NECAB1: variants seen among roughly 807,000 people sequenced by gnomAD.
The protein encoded by NECAB1 is N-terminal EF-hand calcium binding protein 1.
In NECAB1, 29 loss-of-function variants were observed where a neutral mutation model predicts 57.5. The observed-to-expected ratio is 0.50, with a 90% CI of 0.38 to 0.69. The LOEUF (loss-of-function observed/expected upper bound fraction) is 0.69. Among genes scored for constraint, NECAB1 ranks in the 30% least tolerant of loss-of-function variants. The pLI is 0.00. For synonymous variants in NECAB1, 142 were observed against 147.7 expected (o/e 0.96, Z 0.28); for missense variants, 372 against 413.8 (o/e 0.90, Z 0.88).
chr8:90,803,792 T>G (rs1384175731), intron 2 of NECAB1, among the ~76,000 whole-genome samples: 2 of 152,170 alleles, frequency 1.3e-5, no homozygotes, highest in African/African-American at 4.8e-5. Flanking sequence ...TCTGCCACAC[T>G]GTTATGTTAC....
intron 3 of NECAB1, among the ~76,000 whole-genome samples, chr8:90,848,260 C>T (rs1586055539): frequency 6.6e-6 from 1 of 152,188 alleles, no homozygotes; most frequent in African/African-American, 2.4e-5. Context: ...AGTTCCTCAT[C>T]TCCCTCTAAG....
intron 11 of NECAB1, 66 bp downstream of exon 11, chr8:90,949,950 T>G (rs904430291): frequency 1.0e-6 from 1 of 953,404 alleles, no homozygotes. Flanking sequence ...GATGTAATTT[T>G]AGGATTTGTA....
At chr8:90,836,585 T>C (rs1812373423) in intron 3 of NECAB1, among the ~76,000 whole-genome samples, 2 of 152,206 alleles carry the variant, frequency 1.3e-5, no homozygotes, top group African/African-American at 2.4e-5. Context: ...ACCATCCTCA[T>C]TGCTGTCAGA....
intron 3 of NECAB1, among the ~76,000 whole-genome samples, chr8:90,840,172 G>A (rs906099164): frequency 2.0e-5 from 3 of 152,116 alleles, no homozygotes; most frequent in African/African-American, 4.8e-5. Flanking sequence ...TTGACTTCAC[G>A]GATTGAGTTA....
At chr8:90,933,858 G>T (rs1226243974) in intron 8 of NECAB1, among the ~76,000 whole-genome samples, 1 of 152,002 alleles carries the variant, frequency 6.6e-6, no homozygotes, top group African/African-American at 2.4e-5. Flanking sequence ...TAACACCAGG[G>T]TATAAATGTA....
At chr8:90,848,829 A>C (rs1171411002) in intron 3 of NECAB1, among the ~76,000 whole-genome samples, 5 of 152,124 alleles carry the variant, frequency 3.3e-5, no homozygotes, top group Non-Finnish European at 4.4e-5. Flanking sequence ...TACTAAAACA[A>C]ATACAAAAAT....
At chr8:90,946,306 C>CT (rs1810803584) in intron 10 of NECAB1, among the ~76,000 whole-genome samples, 1 of 152,210 alleles carries the variant, frequency 6.6e-6, no homozygotes, top group Non-Finnish European at 1.5e-5. Flanking sequence ...TTTCCTAACT[C>CT]TTTGTCAGAG....
At chr8:90,955,049 G>A (rs929627607) in intron 12 of NECAB1, among the ~76,000 whole-genome samples, 1 of 135,860 alleles carries the variant, frequency 7.4e-6, no homozygotes, top group Non-Finnish European at 1.6e-5. Context: ...GTGCATGTAT[G>A]TACATATGTA....
chr8:90,819,094 C>T (rs1341508633), intron 2 of NECAB1, among the ~76,000 whole-genome samples: 1 of 151,862 alleles, frequency 6.6e-6, no homozygotes, highest in African/African-American at 2.4e-5. Flanking sequence ...ACTGATAAGC[C>T]CAACAGAGGT....
rs71771328 is a variant in NECAB1 at position 90,947,303 on chromosome 8, T to TACACACACACAC, written c.861-2466_861-2455dup. On this transcript the variant is annotated intron_variant, in intron 10 of 12. Coordinates refer to ENST00000417640, the MANE Select transcript of NECAB1 (RefSeq NM_022351.5). Reference sequence around the variant, plus strand: ...TTTTAGCTATTGGGCTAACAACACATACACACACACACACACACACACACA... The same window carrying TACACACACACAC: ...TTTTAGCTATTGGGCTAACAACACATACACACACACACACACACACACACACACACACACACA... Among the ~76,000 whole-genome samples, 26 of 78,298 alleles carry TACACACACACAC rather than the reference T, an allele frequency of 3.3e-4. No homozygotes were observed. The East Asian group carries it at 6.0e-3, about 18-fold the overall frequency. 51.4% of individuals were successfully genotyped at this position (78,298 alleles called of 152,430 possible).
intron 5 of NECAB1, among the ~76,000 whole-genome samples, chr8:90,889,979 G>C (rs982275318): frequency 7.0e-6 from 1 of 142,516 alleles, no homozygotes; most frequent in African/African-American, 2.7e-5. Context: ...GTGTGTGTTT[G>C]TGTGTGGTGG....
intron 7 of NECAB1, among the ~76,000 whole-genome samples, chr8:90,925,949 A>AC (rs947003677): frequency 1.3e-5 from 2 of 151,696 alleles, no homozygotes; most frequent in African/African-American, 4.8e-5. Context: ...GTCTATAAGG[A>AC]CCCCCCATGA....
intron 2 of NECAB1, among the ~76,000 whole-genome samples, chr8:90,815,156 T>C (rs1331965152): frequency 6.6e-6 from 1 of 152,058 alleles, no homozygotes; most frequent in Non-Finnish European, 1.5e-5. Flanking sequence ...CCAGTCTACA[T>C]GTGTACCAGT....
At chr8:90,833,605 C>A (rs960186408) in intron 3 of NECAB1, among the ~76,000 whole-genome samples, 9 of 152,000 alleles carry the variant, frequency 5.9e-5, no homozygotes, top group Admixed American at 2.6e-4. Flanking sequence ...AATTACTGCT[C>A]AAAATAAAAA....
chr8:90,837,442 AAAGGCTTCTCCACACTAT>A (rs2129735906), intron 3 of NECAB1, among the ~76,000 whole-genome samples: 1 of 152,358 alleles, frequency 6.6e-6, no homozygotes, highest in East Asian at 1.9e-4. Context: ...TGCAACTGCA[AAAGGCTTCTCCACACTAT>A]TTAGAACAGT....
chr8:90,792,301 G>A (rs1222076267), intron 1 of NECAB1, among the ~76,000 whole-genome samples: 1 of 152,202 alleles, frequency 6.6e-6, no homozygotes, highest in Non-Finnish European at 1.5e-5. Flanking sequence ...AGAGGCACAA[G>A]GTGTGGGGGG....
chr8:90,842,279 C>A (rs572383709), intron 3 of NECAB1, among the ~76,000 whole-genome samples: 1 of 152,322 alleles, frequency 6.6e-6, no homozygotes, highest in South Asian at 2.1e-4. Context: ...GTCCATCCAC[C>A]TTCAACCTCA....
intron 3 of NECAB1, among the ~76,000 whole-genome samples, chr8:90,864,481 G>C (rs1459344446): frequency 6.6e-6 from 1 of 152,094 alleles, no homozygotes; most frequent in Non-Finnish European, 1.5e-5. Context: ...TCCCCTTCAA[G>C]TGTTCTCATT....
chr8:90,860,238 C>CTTTTTTTTTTTTTTTTT (rs34293565), intron 3 of NECAB1, among the ~76,000 whole-genome samples: 1 of 136,874 alleles, frequency 7.3e-6, no homozygotes, highest in Non-Finnish European at 1.6e-5. Flanking sequence ...TCTTTTTTTT[C>CTTTTTTTTTTTTTTTTT]TTTTTTTTTT....
Sources: gnomAD v4.1 joint callset for allele counts (sites outside exome capture counted in the v4.1 genomes callset) on GRCh38, gnomAD v4.1.1 for gene constraint, MANE v1.5 for transcripts, NCBI Gene and HGNC (gene_info 2026-07-23, HGNC 2026-07-21) for gene names.